Variants in SEMA5A observed in about 807,000 individuals in gnomAD.
The protein encoded by SEMA5A is semaphorin 5A, also known as semaphorin-5A.
SEMA5A carries 55 observed loss-of-function variants against 135.5 expected under a neutral mutation model. The observed-to-expected ratio is 0.41, with a 90% confidence interval of 0.33 to 0.51. SEMA5A has a LOEUF of 0.51. Among genes scored for constraint, SEMA5A ranks in the 20% least tolerant of loss-of-function variants. The probability of loss-of-function intolerance (pLI) is 0.37; values close to 1 mark genes in which losing one functional copy is unlikely to be tolerated. For synonymous variants in SEMA5A, 580 were observed against 546.5 expected (o/e 1.06, Z -0.85); for missense variants, 1,290 against 1,419.9 (o/e 0.91, Z 1.47).
At chr5:9,324,105 T>C in intron 4 of SEMA5A, among the ~76,000 whole-genome samples, 1 of 152,014 alleles carries the variant, frequency 6.6e-6, no homozygotes, top group African/African-American at 2.4e-5. Context: ...GTCTCGCTCT[T>C]CCGCCCAGGC....
chr5:9,395,235 C>A (rs1166631702), intron 2 of SEMA5A, among the ~76,000 whole-genome samples: 1 of 152,066 alleles, frequency 6.6e-6, no homozygotes, highest in East Asian at 1.9e-4. Context: ...ATGGAGGGAA[C>A]CATTGCTGCA....
chr5:9,443,103 C>A (rs1267709226), intron 1 of SEMA5A, among the ~76,000 whole-genome samples: 1 of 152,182 alleles, frequency 6.6e-6, no homozygotes, highest in Non-Finnish European at 1.5e-5. Context: ...GCCTGGGTGT[C>A]CAGGCTTCCA....
At chr5:9,221,852 T>A (rs1747017939) in intron 8 of SEMA5A, among the ~76,000 whole-genome samples, 1 of 152,142 alleles carries the variant, frequency 6.6e-6, no homozygotes. Flanking sequence ...CCATTGAGAA[T>A]CCCTGGGAGA....
chr5:9,441,531 T>G (rs547232691), intron 1 of SEMA5A, among the ~76,000 whole-genome samples: 1 of 148,758 alleles, frequency 6.7e-6, no homozygotes, highest in East Asian at 2.0e-4. Context: ...AGATAAGAGT[T>G]TGCAGGAGTG....
At chr5:9,082,614 T>C (rs1206794057) in intron 16 of SEMA5A, among the ~76,000 whole-genome samples, 1 of 152,170 alleles carries the variant, frequency 6.6e-6, no homozygotes, top group East Asian at 1.9e-4. Flanking sequence ...ATCTATAAAA[T>C]GGGATAGAAA....
intron 2 of SEMA5A, among the ~76,000 whole-genome samples, chr5:9,401,194 G>C (rs1231632885): frequency 6.6e-6 from 1 of 152,202 alleles, no homozygotes; most frequent in Admixed American, 6.5e-5. Flanking sequence ...AGAAGAGCAA[G>C]CTGGAAGACC....
chr5:9,298,138 G>C (rs1469804393), intron 5 of SEMA5A, among the ~76,000 whole-genome samples: 2 of 152,040 alleles, frequency 1.3e-5, no homozygotes, highest in African/African-American at 4.8e-5. Flanking sequence ...TTTTACAGAG[G>C]TAATCAAGTT....
At chr5:9,323,306 T>A (rs545760406) in intron 4 of SEMA5A, among the ~76,000 whole-genome samples, 19 of 152,350 alleles carry the variant, frequency 1.2e-4, no homozygotes, top group South Asian at 4.1e-4. Context: ...TTATGGCAAA[T>A]TTAAATCATT....
intron 16 of SEMA5A, among the ~76,000 whole-genome samples, chr5:9,088,738 C>T (rs1003667296): frequency 6.6e-6 from 1 of 150,582 alleles, no homozygotes; most frequent in Admixed American, 6.6e-5. Flanking sequence ...AGATTTTGAA[C>T]AGGTCATGGT....
chr5:9,059,785 A>G (rs982447161), intron 18 of SEMA5A, among the ~76,000 whole-genome samples: 6 of 152,210 alleles, frequency 3.9e-5, no homozygotes, highest in African/African-American at 1.4e-4. Flanking sequence ...CCTGACCACA[A>G]GTGATCTATC....
chr5:9,100,525 A>T (rs1019867193), intron 16 of SEMA5A, among the ~76,000 whole-genome samples: 1 of 152,112 alleles, frequency 6.6e-6, no homozygotes, highest in Non-Finnish European at 1.5e-5. Context: ...TTCTCAGAAA[A>T]TCAGTTCTGC....
intron 13 of SEMA5A, among the ~76,000 whole-genome samples, chr5:9,133,063 C>A (rs974515349): frequency 4.6e-5 from 7 of 152,014 alleles, no homozygotes; most frequent in African/African-American, 1.7e-4. Context: ...TGTTTCTTAG[C>A]AACATATAAA....
intron 4 of SEMA5A, among the ~76,000 whole-genome samples, chr5:9,320,448 C>T (rs538730849): frequency 5.9e-5 from 9 of 152,286 alleles, no homozygotes; most frequent in Admixed American, 2.0e-4. Flanking sequence ...AGGCACATTG[C>T]CCCGTAATCC....
chr5:9,330,727 A>G (rs1008293666), intron 4 of SEMA5A, among the ~76,000 whole-genome samples: 1 of 152,200 alleles, frequency 6.6e-6, no homozygotes, highest in Non-Finnish European at 1.5e-5. Flanking sequence ...AAGAAAGGGG[A>G]GAACAAGTAG....
intron 11 of SEMA5A, among the ~76,000 whole-genome samples, chr5:9,158,432 T>C (rs903835093): frequency 6.6e-6 from 1 of 152,032 alleles, no homozygotes; most frequent in Non-Finnish European, 1.5e-5. Context: ...ACCAAAGTTA[T>C]TTGCATGAAA....
chr5:9,087,525 T>A (rs1738764813), intron 16 of SEMA5A, among the ~76,000 whole-genome samples: 1 of 151,508 alleles, frequency 6.6e-6, no homozygotes, highest in Non-Finnish European at 1.5e-5. Flanking sequence ...TAGCCACAGA[T>A]GTTTATTTTT....
chr5:9,511,789 A>T (rs1421494974), intron 1 of SEMA5A, among the ~76,000 whole-genome samples: 1 of 152,240 alleles, frequency 6.6e-6, no homozygotes, highest in Non-Finnish European at 1.5e-5. Context: ...GTATCAAAAC[A>T]GCATGTTGAA....
At chr5:9,236,300 C>T (rs1747905002) in intron 6 of SEMA5A, among the ~76,000 whole-genome samples, 2 of 152,130 alleles carry the variant, frequency 1.3e-5, no homozygotes, top group African/African-American at 4.8e-5. Flanking sequence ...GTGAATCTTA[C>T]TAGTTGAAAT....
intron 5 of SEMA5A, among the ~76,000 whole-genome samples, chr5:9,289,600 G>A (rs898899235): frequency 6.6e-6 from 1 of 152,024 alleles, no homozygotes; most frequent in African/African-American, 2.4e-5. Context: ...AGGAGGTGGA[G>A]GTTACAGTGA....
Sources: gnomAD v4.1 joint callset for allele counts (sites outside exome capture counted in the v4.1 genomes callset) on GRCh38, gnomAD v4.1.1 for gene constraint, MANE v1.5 for transcripts, NCBI Gene and HGNC (gene_info 2026-07-23, HGNC 2026-07-21) for gene names.